Variants in CCDC141 observed in about 807,000 individuals in gnomAD.
CCDC141 encodes coiled-coil domain-containing protein 141.
Under a neutral mutation model 181.0 loss-of-function variants are expected in CCDC141, and 168 were observed. That is an observed-to-expected ratio of 0.93 (90% CI 0.82 to 1.05). The LOEUF (loss-of-function observed/expected upper bound fraction) is 1.05. Among genes scored for constraint, CCDC141 ranks in the 50% least tolerant of loss-of-function variants. The pLI, the probability that CCDC141 is intolerant of heterozygous loss-of-function variation, is 0.00. For missense variants in CCDC141, 1,902 were observed against 1,788.5 expected (o/e 1.06, Z -1.14); for synonymous variants, 666 against 642.3 (o/e 1.04, Z -0.56).
At chr2:178,866,459 G>A (rs1685855603) in intron 16 of CCDC141, among the ~76,000 whole-genome samples, 1 of 151,874 alleles carries the variant, frequency 6.6e-6, no homozygotes, top group Non-Finnish European at 1.5e-5. Flanking sequence ...GCTCTTTCCT[G>A]GCAAAAAACC....
chr2:179,048,293 C>G (rs1394023434), intron 1 of CCDC141, among the ~76,000 whole-genome samples: 1 of 152,158 alleles, frequency 6.6e-6, no homozygotes, highest in African/African-American at 2.4e-5. Flanking sequence ...ACTTCCATTC[C>G]ATTAAGGTGG....
At chr2:179,001,438 T>TA (rs2041973244) in intron 2 of CCDC141, among the ~76,000 whole-genome samples, 2 of 152,160 alleles carry the variant, frequency 1.3e-5, no homozygotes, top group African/African-American at 4.8e-5. Flanking sequence ...GGAGTCAATA[T>TA]ACTCCAACTG....
chr2:178,904,281 G>A (rs556677988), intron 8 of CCDC141, among the ~76,000 whole-genome samples: 11 of 152,222 alleles, frequency 7.2e-5, no homozygotes, highest in African/African-American at 2.6e-4. Context: ...GGAAGACCTT[G>A]GATTATTTCT....
chr2:179,013,927 C>T (rs1229541050), intron 2 of CCDC141, among the ~76,000 whole-genome samples: 2 of 135,140 alleles, frequency 1.5e-5, no homozygotes, highest in Non-Finnish European at 3.1e-5. Context: ...CACCACTGCA[C>T]TCCAGCCTGG....
chr2:178,946,282 A>C (rs1689727846), intron 5 of CCDC141, among the ~76,000 whole-genome samples: 1 of 152,172 alleles, frequency 6.6e-6, no homozygotes, highest in African/African-American at 2.4e-5. Flanking sequence ...TGATATGTAC[A>C]ATGTGCCTAT....
intron 11 of CCDC141, among the ~76,000 whole-genome samples, chr2:178,880,099 G>A (rs949373399): frequency 6.6e-6 from 1 of 152,124 alleles, no homozygotes; most frequent in Non-Finnish European, 1.5e-5. Context: ...ATTATAGGCT[G>A]GGTGTCAATA....
downstream of CCDC141, among the ~76,000 whole-genome samples, chr2:178,827,505 C>A (rs1684143790): frequency 6.6e-6 from 1 of 152,162 alleles, no homozygotes; most frequent in South Asian, 2.1e-4. Context: ...TTCCTTCCCC[C>A]TCCCTCGACC....
the CCDC141 span, among the ~76,000 whole-genome samples, chr2:178,819,658 G>A: frequency 2.0e-5 from 3 of 152,098 alleles, no homozygotes; most frequent in African/African-American, 7.2e-5. Context: ...ACATCTGAGG[G>A]TGGAGGTGCT....
chr2:179,021,419 T>C (rs1261075807), intron 2 of CCDC141, among the ~76,000 whole-genome samples: 2 of 152,208 alleles, frequency 1.3e-5, no homozygotes, highest in Non-Finnish European at 2.9e-5. Flanking sequence ...GTATTCTGAT[T>C]GGCTTCAGTT....
chr2:179,000,394 G>A (rs2041935422), intron 2 of CCDC141, among the ~76,000 whole-genome samples: 1 of 152,002 alleles, frequency 6.6e-6, no homozygotes, highest in African/African-American at 2.4e-5. Context: ...AACTCACAGA[G>A]TAATATGATT....
chr2:179,015,567 C>T (rs893584722), intron 2 of CCDC141, among the ~76,000 whole-genome samples: 11 of 54,008 alleles, frequency 2.0e-4, no homozygotes, highest in African/African-American at 5.8e-4. Context: ...TCATATATAT[C>T]TCATATATCT....
At chr2:179,027,301 A>T (rs1057124771) in intron 2 of CCDC141, among the ~76,000 whole-genome samples, 2 of 152,138 alleles carry the variant, frequency 1.3e-5, no homozygotes, top group Admixed American at 1.3e-4. Flanking sequence ...TCTTTCCTGC[A>T]CTGTTCTCAT....
chr2:178,944,516 T>C lies in CCDC141; in HGVS notation c.897+19A>G, dbSNP rs1348097024. On this transcript the variant is annotated intron_variant, in intron 6 of 23. Transcript: ENST00000443758. ...ATGCATTTTTCAATTATTTTTAGTG[T>C]GTCTAATATATCTCTTACCTTTGCT... The C allele has an allele frequency of 6.0e-6, 7 of 1,168,482 alleles. No individual in the cohort carries two copies. The highest frequency in any genetic ancestry group is 1.2e-6 in the Non-Finnish European group (1 of 847,200). 72.4% of individuals were successfully genotyped at this position (1,168,482 alleles called of 1,614,324 possible).
chr2:178,944,420 C>G, intron 6 of CCDC141, 115 bp downstream of exon 6: 2 of 453,388 alleles, frequency 4.4e-6, no homozygotes, highest in South Asian at 1.3e-4. Flanking sequence ...TTTACATGAA[C>G]AGTAGATTAA....
At chr2:179,038,286 T>C (rs535850183) in intron 2 of CCDC141, among the ~76,000 whole-genome samples, 174 of 152,328 alleles carry the variant, frequency 1.1e-3, no homozygotes, top group Admixed American at 0.011. Context: ...TATTGTGTGA[T>C]TCCATTTATA....
chr2:178,844,319 T>C (rs962619320), intron 22 of CCDC141, among the ~76,000 whole-genome samples: 3 of 152,156 alleles, frequency 2.0e-5, no homozygotes, highest in Admixed American at 1.3e-4. Flanking sequence ...AATGAAGTGA[T>C]TTTAGTATAA....
intron 7 of CCDC141, among the ~76,000 whole-genome samples, chr2:178,913,114 C>T (rs1688291423): frequency 6.6e-6 from 1 of 152,154 alleles, no homozygotes; most frequent in Admixed American, 6.5e-5. Context: ...TCTTTCATTG[C>T]TTTCGCTCAA....
Position 178,834,247 on chromosome 2 carries a change from T to C in CCDC141, c.4519A>G (p.Thr1507Ala). 1 of 1,536,198 alleles carries C rather than the reference T, an allele frequency of 6.5e-7. No individual in the cohort carries two copies. The highest frequency in any genetic ancestry group is 1.2e-5 in the South Asian group (1 of 84,052). ...HVTGNCRLPI[T>A]RVNWITLCVV... ...CACAGGGTTATCCAGTTTACTCTTG[T>C]GATTGGCAGCCTGCAGTTACCTGTC... The change falls in exon 24 of 24, where the codon ACA (threonine) becomes GCA (alanine). Residue 1507 changes from threonine to alanine, a missense_variant. Physicochemically the swap from Thr to Ala is moderately conservative, Grantham distance 58 (BLOSUM62 0). Coordinates refer to ENST00000443758, the MANE Select transcript of CCDC141 (RefSeq NM_173648.4).
rs76209803 is a variant in CCDC141 at position 178,868,284 on chromosome 2, A to T, written c.2395-79T>A. 107,940 of 1,246,022 alleles carry T rather than the reference A, an allele frequency of 0.087. 5,905 individuals carry two copies. The highest frequency in any genetic ancestry group is 0.22 in the Admixed American group (11,529 of 51,586). The allele number at this position is 1,246,022 out of a possible 1,614,324, so 77.2% of individuals were successfully genotyped here. On this transcript the variant is annotated intron_variant, in intron 15 of 23. Coordinates refer to ENST00000443758, the MANE Select transcript of CCDC141 (RefSeq NM_173648.4). Reference sequence around the variant, plus strand: ...TTTTTAAGCCTAATTTCTATAGCACATTTTGCTAGCTGGTCGAAATGCTGC... The same window carrying T: ...TTTTTAAGCCTAATTTCTATAGCACTTTTTGCTAGCTGGTCGAAATGCTGC...
Sources: allele counts gnomAD v4.1 joint callset (sites outside exome capture counted in the v4.1 genomes callset), GRCh38; gene constraint gnomAD v4.1.1; transcripts MANE v1.5; gene names NCBI Gene and HGNC (gene_info 2026-07-23, HGNC 2026-07-21).